OXCT1: variants seen among roughly 807,000 people sequenced by gnomAD.
OXCT1 encodes succinyl-CoA:3-ketoacid coenzyme A transferase 1, mitochondrial.
A neutral mutation model predicts 69.6 loss-of-function variants in OXCT1; 27 were observed. The observed-to-expected ratio is 0.39, with a 90% CI of 0.29 to 0.54. The LOEUF is 0.54. Among genes scored for constraint, OXCT1 ranks in the 20% least tolerant of loss-of-function variants. OXCT1 has a pLI of 0.72. For missense variants in OXCT1, 437 were observed against 650.2 expected (o/e 0.67, Z 3.57); for synonymous variants, 202 against 217.8 (o/e 0.93, Z 0.64).
intron 7 of OXCT1, among the ~76,000 whole-genome samples, chr5:41,829,730 T>C (rs756175099): frequency 6.6e-6 from 1 of 152,212 alleles, no homozygotes; most frequent in Non-Finnish European, 1.5e-5. Context: ...AGTAAGTTAA[T>C]ACTAGGCATT....
chr5:41,835,135 A>T, intron 7 of OXCT1, among the ~76,000 whole-genome samples: 1 of 152,206 alleles, frequency 6.6e-6, no homozygotes, highest in Non-Finnish European at 1.5e-5. Flanking sequence ...ATCAGAGATG[A>T]AAAAGGGGAC....
chr5:41,840,332 C>CA (rs11394511), intron 7 of OXCT1, 119 bp downstream of exon 7: 10,606 of 626,924 alleles, frequency 0.017, 35 homozygotes, highest in African/African-American at 0.048. Flanking sequence ...ATTTCCAAAA[C>CA]AAAAAAAAAA....
chr5:41,735,782 T>C (rs2111977339), intron 16 of OXCT1, among the ~76,000 whole-genome samples: 1 of 152,310 alleles, frequency 6.6e-6, no homozygotes, highest in Middle Eastern at 3.4e-3. Flanking sequence ...CCCTTATTGA[T>C]GTAATTAAAT....
chr5:41,799,039 G>A (rs1236139671), intron 11 of OXCT1, among the ~76,000 whole-genome samples: 1 of 152,244 alleles, frequency 6.6e-6, no homozygotes, highest in African/African-American at 2.4e-5. Flanking sequence ...TATGCTCTAA[G>A]CCATGTAAAA....
At chr5:41,827,945 C>T (rs1579823508) in intron 7 of OXCT1, among the ~76,000 whole-genome samples, 1 of 152,240 alleles carries the variant, frequency 6.6e-6, no homozygotes. Context: ...CCTCCCAAAC[C>T]CCAAGAACAC....
At chr5:41,761,619 C>T (rs1653961603) in intron 14 of OXCT1, among the ~76,000 whole-genome samples, 1 of 152,084 alleles carries the variant, frequency 6.6e-6, no homozygotes, top group African/African-American at 2.4e-5. Context: ...TCAGAGCTAT[C>T]ACCTAGTCCA....
At chr5:41,786,626 AGT>A (rs1382143504) in intron 13 of OXCT1, among the ~76,000 whole-genome samples, 2 of 152,212 alleles carry the variant, frequency 1.3e-5, no homozygotes, top group Non-Finnish European at 2.9e-5. Flanking sequence ...ATTTTCCTAG[AGT>A]GAGCTGAAAT....
At chr5:41,821,907 T>C (rs1747572207) in intron 7 of OXCT1, among the ~76,000 whole-genome samples, 1 of 152,176 alleles carries the variant, frequency 6.6e-6, no homozygotes, top group Non-Finnish European at 1.5e-5. Flanking sequence ...CTGTACAGTG[T>C]CTTCCACAGA....
chr5:41,814,140 AC>A (rs1747117589), intron 7 of OXCT1, among the ~76,000 whole-genome samples: 1 of 151,424 alleles, frequency 6.6e-6, no homozygotes. Flanking sequence ...GAAAAAAAAA[AC>A]AGGTAAAAAC....
At chr5:41,804,870 C>T (rs1473000134) in intron 9 of OXCT1, among the ~76,000 whole-genome samples, 1 of 152,042 alleles carries the variant, frequency 6.6e-6, no homozygotes, top group East Asian at 1.9e-4. Flanking sequence ...CTGTATCCAC[C>T]ATTCAACAAA....
intron 3 of OXCT1, 199 bp from the exon 4 acceptor site, chr5:41,853,753 AG>A: frequency 1.5e-6 from 1 of 684,500 alleles, no homozygotes; most frequent in Non-Finnish European, 2.6e-6. Context: ...GGAAACTAAA[AG>A]TCAAGAAGTT....
At chr5:41,809,318 C>A (rs1746847721) in intron 7 of OXCT1, among the ~76,000 whole-genome samples, 1 of 151,774 alleles carries the variant, frequency 6.6e-6, no homozygotes, top group South Asian at 2.1e-4. Context: ...ATGTGATAAA[C>A]ACTAAGTTTC....
intron 11 of OXCT1, among the ~76,000 whole-genome samples, chr5:41,799,686 T>C (rs1373173885): frequency 1.3e-5 from 2 of 152,190 alleles, no homozygotes; most frequent in Non-Finnish European, 2.9e-5. Context: ...AAGCAGCAAA[T>C]ATTTTCACAG....
At chr5:41,853,019 C>T (rs559339528) in intron 4 of OXCT1, among the ~76,000 whole-genome samples, 32 of 151,550 alleles carry the variant, frequency 2.1e-4, no homozygotes, top group African/African-American at 7.3e-4. Context: ...TGCAGTGAGC[C>T]GAGATCACAC....
intron 16 of OXCT1, among the ~76,000 whole-genome samples, chr5:41,738,010 G>A (rs564679923): frequency 8.9e-4 from 135 of 152,082 alleles, no homozygotes; most frequent in Middle Eastern, 3.4e-3. Flanking sequence ...AGCCAAGATC[G>A]CGCCACTGCA....
chr5:41,779,494 G>A (rs1745291474), intron 13 of OXCT1, among the ~76,000 whole-genome samples: 1 of 152,064 alleles, frequency 6.6e-6, no homozygotes, highest in Non-Finnish European at 1.5e-5. Flanking sequence ...GGACCATACT[G>A]TATTAGACCA....
chr5:41,842,655 T>TTTA lies in OXCT1; in HGVS notation c.671+19_671+20insTAA, dbSNP rs1417175914. ...TAGAGTTGCTGATATGCACGAGTGT[T>TTTA]TTTAAAACTATCACAATACCTGAAA... On this transcript the variant is annotated intron_variant, in intron 6 of 16. Transcript: ENST00000196371. The TTTA allele has an allele frequency of 1.9e-6, 3 of 1,561,076 alleles. No individual in the cohort carries two copies. In the East Asian group the frequency reaches 6.7e-5, roughly 35 times the overall value.
chr5:41,841,578 T>C (rs911197124), intron 6 of OXCT1, among the ~76,000 whole-genome samples: 3 of 152,186 alleles, frequency 2.0e-5, no homozygotes, highest in Admixed American at 2.0e-4. Context: ...CAGCATAAAG[T>C]CAGTGCCCAG....
intron 11 of OXCT1, among the ~76,000 whole-genome samples, chr5:41,798,211 G>A (rs1236731499): frequency 6.6e-6 from 1 of 152,004 alleles, no homozygotes; most frequent in Non-Finnish European, 1.5e-5. Flanking sequence ...GTCCAGAATG[G>A]GTACACAAAA....
Sources: allele counts gnomAD v4.1 joint callset (sites outside exome capture counted in the v4.1 genomes callset), GRCh38; gene constraint gnomAD v4.1.1; transcripts MANE v1.5; gene names NCBI Gene and HGNC (gene_info 2026-07-23, HGNC 2026-07-21).